The following CSMD1 variants were observed in gnomAD, a reference collection of about 807,000 sequenced individuals.
The protein encoded by CSMD1 is CUB and Sushi multiple domains 1.
CSMD1 carries 213 observed loss-of-function variants against 417.5 expected under a neutral mutation model. The observed-to-expected ratio is 0.51, with a 90% CI of 0.46 to 0.57. CSMD1 has a LOEUF of 0.57. Ranked by LOEUF, CSMD1 falls within the 20% of genes least tolerant of loss-of-function variation. The pLI is 0.00. For missense variants in CSMD1, 6,923 were observed against 4,529.7 expected, an observed-to-expected ratio of 1.53 and a Z score of -15.17; for synonymous variants, 2,862 against 1,736.8, an observed-to-expected ratio of 1.65 and a Z score of -16.11.
intron 1 of CSMD1, among the ~76,000 whole-genome samples, chr8:4,644,303 A>G (rs191685966): frequency 6.6e-6 from 1 of 152,290 alleles, no homozygotes; most frequent in Admixed American, 6.5e-5. Context: ...AGCTTTGCCC[A>G]GATTTTTTCA....
chr8:3,678,929 G>A (rs1027989487), intron 7 of CSMD1, among the ~76,000 whole-genome samples: 3 of 152,058 alleles, frequency 2.0e-5, no homozygotes, highest in Non-Finnish European at 4.4e-5. Flanking sequence ...TTCATATCCA[G>A]CCAAATTAAG....
At chr8:4,910,551 T>C (rs1313490413) in intron 1 of CSMD1, among the ~76,000 whole-genome samples, 1 of 152,156 alleles carries the variant, frequency 6.6e-6, no homozygotes, top group African/African-American at 2.4e-5. Context: ...CTGAAGCTTT[T>C]TTATAGACGC....
intron 5 of CSMD1, among the ~76,000 whole-genome samples, chr8:3,797,799 G>A (rs1279257291): frequency 1.3e-5 from 2 of 151,922 alleles, no homozygotes; most frequent in African/African-American, 4.8e-5. Context: ...AGGTTATTAG[G>A]TAGGTATATG....
At chr8:2,971,948 G>C (rs1205868608) in intron 57 of CSMD1, among the ~76,000 whole-genome samples, 1 of 151,976 alleles carries the variant, frequency 6.6e-6, no homozygotes, top group African/African-American at 2.4e-5. Context: ...TATCATGTTT[G>C]TGTGCACATA....
chr8:4,611,275 AAAACCT>A (rs891241219), intron 2 of CSMD1, among the ~76,000 whole-genome samples: 1 of 152,192 alleles, frequency 6.6e-6, no homozygotes, highest in African/African-American at 2.4e-5. Flanking sequence ...CTGTGTTGTG[AAAACCT>A]TTTCATACCA....
chr8:3,354,939 A>ATATC (rs1554523485), intron 21 of CSMD1, among the ~76,000 whole-genome samples: 68 of 143,084 alleles, frequency 4.8e-4, no homozygotes, highest in African/African-American at 7.3e-4. Context: ...ATATAGATAT[A>ATATC]TATAGAGAGA....
intron 12 of CSMD1, among the ~76,000 whole-genome samples, chr8:3,419,620 C>G (rs1462439845): frequency 6.6e-6 from 1 of 151,950 alleles, no homozygotes. Context: ...GATTCGTAAC[C>G]CCTTTTATCA....
At chr8:3,622,472 A>G (rs1796301475) in intron 7 of CSMD1, among the ~76,000 whole-genome samples, 1 of 152,228 alleles carries the variant, frequency 6.6e-6, no homozygotes, top group Non-Finnish European at 1.5e-5. Context: ...AAGGAATAGC[A>G]GTTAAAAGAA....
At position 3,504,219 on chromosome 8, in the gene CSMD1, C is replaced by A. The variant is rs188401650; in HGVS notation, c.1345-10493G>T. On this transcript the variant is annotated intron_variant, in intron 10 of 69. Coordinates refer to ENST00000635120, the MANE Select transcript of CSMD1 (RefSeq NM_033225.6). ...ACTGCATGTACCCCATAAACAGGTA[C>A]AATTATTATGTATTAATTAACAATT... is the stretch of plus-strand genomic sequence containing the variant. Among the ~76,000 whole-genome samples the A allele has an allele frequency of 4.2e-3, 639 of 150,586 alleles. 3 individuals are homozygous for A. Among genetic ancestry groups the A allele is most frequent in the South Asian group, 0.024 (114 of 4,704 alleles).
In CSMD1 at chr8:3,808,289, T is replaced by C. The variant is rs186640000; in HGVS notation, c.819-54247A>G. Among the ~76,000 whole-genome samples the C allele has an allele frequency of 1.8e-4, 28 of 152,304 alleles. 1 individual carries two copies. The highest frequency in any genetic ancestry group is 5.3e-4 in the African/African-American group (22 of 41,572). ...AGGAATATAAAGATTTTTTTCATTG[T>C]TGTTCTTTTTATATTAATGGGAGCC... On this transcript the variant is annotated intron_variant, in intron 5 of 69. Coordinates refer to ENST00000635120, the MANE Select transcript of CSMD1 (RefSeq NM_033225.6).
At chr8:4,403,318 T>G (rs796102911) in intron 3 of CSMD1, among the ~76,000 whole-genome samples, 6 of 152,258 alleles carry the variant, frequency 3.9e-5, no homozygotes, top group African/African-American at 1.4e-4. Flanking sequence ...ACTATTCCAT[T>G]TCCTTACATT....
chr8:3,874,908 G>C (rs1400812376), intron 5 of CSMD1, among the ~76,000 whole-genome samples: 2 of 152,266 alleles, frequency 1.3e-5, no homozygotes, highest in South Asian at 2.1e-4. Flanking sequence ...CCAGTGATTT[G>C]AATAAGACTT....
rs73660313 is a variant in CSMD1 at position 3,584,140 on chromosome 8, T to G, written c.1222+1996A>C. On this transcript the variant is annotated intron_variant, in intron 9 of 69. Coordinates refer to ENST00000635120, the MANE Select transcript of CSMD1 (RefSeq NM_033225.6). ...CTAAATTTATTAGAAGTAATAAACTTAATAAGAACTAATAAGAACTGAAGT... is the reference window on the plus strand; with the variant it reads ...CTAAATTTATTAGAAGTAATAAACTGAATAAGAACTAATAAGAACTGAAGT... Among the ~76,000 whole-genome samples, 1,166 of 152,228 alleles carry G rather than the reference T, an allele frequency of 7.7e-3. 13 individuals carry two copies. The highest frequency in any genetic ancestry group is 0.027 in the African/African-American group (1,116 of 41,536).
At chr8:3,727,301 A>T (rs1044520044) in intron 6 of CSMD1, among the ~76,000 whole-genome samples, 1 of 152,332 alleles carries the variant, frequency 6.6e-6, no homozygotes, top group Non-Finnish European at 1.5e-5. Context: ...CAGTCAGCTC[A>T]TCTGCAGAGC....
chr8:3,195,673 G>C (rs80322504), intron 33 of CSMD1, among the ~76,000 whole-genome samples: 2,534 of 152,288 alleles, frequency 0.017, 78 homozygotes, highest in African/African-American at 0.058. Flanking sequence ...AATTTAGGGA[G>C]AAGAGGGGAA....
intron 3 of CSMD1, among the ~76,000 whole-genome samples, chr8:4,364,463 T>C (rs1022369801): frequency 2.0e-5 from 3 of 152,216 alleles, no homozygotes; most frequent in African/African-American, 7.2e-5. Context: ...GTAATCTATT[T>C]TTAGTAATAC....
intron 3 of CSMD1, among the ~76,000 whole-genome samples, chr8:4,417,082 T>A (rs924365024): frequency 2.1e-5 from 3 of 144,040 alleles, no homozygotes; most frequent in African/African-American, 7.5e-5. Context: ...TCAATTTTAT[T>A]CTATATTTAG....
chr8:4,426,103 C>T (rs1055913950), intron 2 of CSMD1, among the ~76,000 whole-genome samples: 2 of 150,240 alleles, frequency 1.3e-5, no homozygotes, highest in Admixed American at 6.6e-5. Context: ...AAAAAAAAAT[C>T]TTATCGCCTA....
chr8:3,551,054 C>G (rs1379921204), intron 10 of CSMD1, among the ~76,000 whole-genome samples: 1 of 152,162 alleles, frequency 6.6e-6, no homozygotes, highest in Non-Finnish European at 1.5e-5. Flanking sequence ...AATTGCCACT[C>G]TCACCATGCT....
Sources: allele counts gnomAD v4.1 joint callset (sites outside exome capture counted in the v4.1 genomes callset), GRCh38; gene constraint gnomAD v4.1.1; transcripts MANE v1.5; gene names NCBI Gene and HGNC (gene_info 2026-07-23, HGNC 2026-07-21).